Variants in LNX2 observed in about 807,000 individuals in gnomAD.
The protein encoded by LNX2 is ligand of numb-protein X 2.
Under a neutral mutation model 66.2 loss-of-function variants are expected in LNX2, and 35 were observed. The ratio of observed to expected loss-of-function variants is 0.53; its 90% CI spans 0.40 to 0.70. The LOEUF is 0.70. Among genes scored for constraint, LNX2 ranks in the 30% least tolerant of loss-of-function variants. LNX2 has a pLI of 0.00. For missense variants in LNX2, 791 were observed against 850.8 expected (o/e 0.93, Z 0.87); for synonymous variants, 337 against 315.6 (o/e 1.07, Z -0.72).
intron 2 of LNX2, among the ~76,000 whole-genome samples, chr13:27,578,475 C>T (rs1482708928): frequency 1.3e-5 from 2 of 152,160 alleles, no homozygotes; most frequent in African/African-American, 4.8e-5. Context: ...GGTTTTAGAA[C>T]ATGGCTGCAA....
In LNX2 at chr13:27,562,395, A is replaced by C; in HGVS notation, c.1224+18T>G. ...TCATTTCGGCCAAGCCTTTGGAATG[A>C]AGGCCAAGAGGGTTTACCTGAATAA... On this transcript the variant is annotated intron_variant, in intron 5 of 9. Coordinates refer to ENST00000316334, the MANE Select transcript of LNX2 (RefSeq NM_153371.4). 1.3e-6 allele frequency: 2 copies of C among 1,594,432 alleles called. No individual in the cohort carries two copies. The highest frequency in any genetic ancestry group is 1.7e-6 in the Non-Finnish European group (2 of 1,170,978).
chr13:27,568,062 T>C (rs561852635), intron 3 of LNX2, among the ~76,000 whole-genome samples: 4 of 152,306 alleles, frequency 2.6e-5, no homozygotes, highest in African/African-American at 9.6e-5. Flanking sequence ...ATAGCTACTA[T>C]GTATCAGATC....
chr13:27,562,695 C>G lies in LNX2; in HGVS notation c.942G>C (p.Val314=). The G allele has an allele frequency of 6.2e-7, 1 of 1,614,134 alleles. No homozygotes were observed. Among genetic ancestry groups the G allele is most frequent in the Non-Finnish European group, 8.5e-7 (1 of 1,180,018 alleles). Residue 314 remains valine (V), a synonymous_variant, in exon 5 of 10, where the codon GTG becomes GTC. Transcript: ENST00000316334. ...GGTTGCCAAAGCGCCTCTCTCGAAGCACAGTAAGATGCAGTGTGTTGCAGG... is the reference window on the plus strand; with the variant it reads ...GGTTGCCAAAGCGCCTCTCTCGAAGGACAGTAAGATGCAGTGTGTTGCAGG... ...SQPCNTLHLT[V]LRERRFGNRA... is the part of the protein sequence containing the mutation.
At chr13:27,587,760 G>T (rs770612224) in intron 1 of LNX2, among the ~76,000 whole-genome samples, 3 of 151,682 alleles carry the variant, frequency 2.0e-5, no homozygotes, top group Non-Finnish European at 4.4e-5. Context: ...GGTGGCTCAC[G>T]CCTGTAATCC....
At chr13:27,561,897 TTA>T (rs1185153620) in intron 5 of LNX2, among the ~76,000 whole-genome samples, 1 of 152,266 alleles carries the variant, frequency 6.6e-6, no homozygotes, top group Admixed American at 6.5e-5. Context: ...CTATCCTTAC[TTA>T]TGTCACAAAG....
intron 1 of LNX2, among the ~76,000 whole-genome samples, chr13:27,602,526 C>T (rs936778093): frequency 1.6e-5 from 2 of 123,640 alleles, no homozygotes; most frequent in African/African-American, 7.2e-5. Flanking sequence ...TTGAGATTTA[C>T]CTATGCTGTG....
chr13:27,550,990 T>G (rs1488371349), intron 8 of LNX2, among the ~76,000 whole-genome samples: 1 of 152,260 alleles, frequency 6.6e-6, no homozygotes, highest in Non-Finnish European at 1.5e-5. Flanking sequence ...AAAGGTCCTA[T>G]AGGCTTTTAG....
At position 27,559,928 on chromosome 13, in the gene LNX2, T is replaced by A; in HGVS notation, c.1282A>T (p.Asn428Tyr). Residue 428 changes from asparagine (N) to tyrosine (Y), a missense_variant, in exon 6 of 10, where the codon AAC (asparagine) becomes TAC (tyrosine). Physicochemically the swap from Asn to Tyr is moderately radical, Grantham distance 143 (BLOSUM62 -2). Coordinates refer to ENST00000316334, the MANE Select transcript of LNX2 (RefSeq NM_153371.4). ...TGATTTCCTGCTTCTCTAATGGTGT[T>A]ACCAGGCTGGGGTTTCCCTGGTCTA... ...IARPGKPQPGNTIREAGNHSS... is the reference protein window; with the variant it reads ...IARPGKPQPGYTIREAGNHSS... The A allele has an allele frequency of 6.2e-7, 1 of 1,611,864 alleles. No homozygotes were observed. Among genetic ancestry groups the A allele is most frequent in the Non-Finnish European group, 8.5e-7 (1 of 1,178,312 alleles).
intron 1 of LNX2, among the ~76,000 whole-genome samples, chr13:27,589,872 A>G (rs1347121844): frequency 1.3e-5 from 2 of 152,364 alleles, no homozygotes; most frequent in Admixed American, 6.5e-5. Context: ...CTTTGCTCCA[A>G]CAAGAAAGAC....
rs1197007746 is a variant in LNX2, at chr13:27,553,374, T to C, written c.1612A>G (p.Met538Val). 2.5e-6 allele frequency: 4 copies of C among 1,614,074 alleles called. No individual in the cohort carries two copies. The highest frequency in any genetic ancestry group is 3.3e-5 in the Admixed American group (2 of 60,004). The change falls in exon 8 of 10, where the codon ATG (methionine) becomes GTG (valine). Residue 538 changes from methionine (M) to valine (V), a missense_variant. By Grantham distance (21) the Met-to-Val change is conservative (BLOSUM62 1). Transcript: ENST00000316334. ...GGGGACGCGGCACTGGCTTTCAGCA[T>C]TGCAACTGCCTCACTGTGACTTAAA... ...TNLSHSEAVA[M>V]LKASAASPAV...
intron 3 of LNX2, 56 bp downstream of exon 3, chr13:27,568,973 G>A: frequency 6.7e-7 from 1 of 1,501,920 alleles, no homozygotes; most frequent in Non-Finnish European, 8.9e-7. Flanking sequence ...TGTTGGGCAA[G>A]TAGTGGGAAG....
rs188449359 is a variant in LNX2 at position 27,569,760 on chromosome 13, T to C, written c.408-484A>G. On this transcript the variant is annotated intron_variant, in intron 2 of 9. Transcript: ENST00000316334. Reference sequence around the variant, plus strand: ...CACGACACGCTCATTAATTAGTGGGTAGTGAGACATCTGAAGCTTTACAAC... The same window carrying C: ...CACGACACGCTCATTAATTAGTGGGCAGTGAGACATCTGAAGCTTTACAAC... Among the ~76,000 whole-genome samples the C allele has an allele frequency of 4.1e-4, 62 of 152,318 alleles. No individual in the cohort carries two copies. In the East Asian group the frequency reaches 4.8e-3, roughly 12 times the overall value.
At chr13:27,571,112 G>T (rs1196566243) in intron 2 of LNX2, among the ~76,000 whole-genome samples, 3 of 152,180 alleles carry the variant, frequency 2.0e-5, no homozygotes, top group Non-Finnish European at 4.4e-5. Context: ...ATTAGAAGAG[G>T]AAGGCCATAG....
chr13:27,551,546 T>C (rs115697741), intron 8 of LNX2, among the ~76,000 whole-genome samples: 4,172 of 152,028 alleles, frequency 0.027, 224 homozygotes, highest in African/African-American at 0.095. Context: ...CTTTCATCTT[T>C]AGGTGAAACT....
chr13:27,581,038 A>G (rs1566123647), intron 2 of LNX2, among the ~76,000 whole-genome samples: 1 of 152,244 alleles, frequency 6.6e-6, no homozygotes, highest in African/African-American at 2.4e-5. Context: ...CTATTTGAAT[A>G]TATCAGTTTC....
intron 1 of LNX2, among the ~76,000 whole-genome samples, chr13:27,617,933 G>A (rs1440362151): frequency 1.3e-5 from 2 of 152,172 alleles, no homozygotes; most frequent in African/African-American, 4.8e-5. Context: ...AATATTTACT[G>A]AGCACTTGGA....
intron 6 of LNX2, among the ~76,000 whole-genome samples, chr13:27,557,351 G>A (rs1172857713): frequency 3.3e-5 from 5 of 151,844 alleles, no homozygotes; most frequent in Non-Finnish European, 2.9e-5. Context: ...CAACTGTCCT[G>A]GGATTCAAAA....
At chr13:27,559,332 T>A (rs1449103060) in intron 6 of LNX2, among the ~76,000 whole-genome samples, 1 of 139,334 alleles carries the variant, frequency 7.2e-6, no homozygotes, top group Non-Finnish European at 1.7e-5. Context: ...ATGCTATATA[T>A]GTACCTATCA....
At chr13:27,597,939 C>T (rs1955617241) in intron 1 of LNX2, among the ~76,000 whole-genome samples, 1 of 152,080 alleles carries the variant, frequency 6.6e-6, no homozygotes, top group African/African-American at 2.4e-5. Context: ...ATAAGAATTT[C>T]CTGGTATCTC....
Sources: gnomAD v4.1 joint callset for allele counts (sites outside exome capture counted in the v4.1 genomes callset) on GRCh38, gnomAD v4.1.1 for gene constraint, MANE v1.5 for transcripts, NCBI Gene and HGNC (gene_info 2026-07-23, HGNC 2026-07-21) for gene names.